Variants in GUCY1A2 observed in about 807,000 individuals in gnomAD.
The protein encoded by GUCY1A2 is guanylate cyclase soluble subunit alpha-2.
A neutral mutation model predicts 63.5 loss-of-function variants in GUCY1A2; 27 were observed. The ratio of observed to expected loss-of-function variants is 0.43; its 90% CI spans 0.31 to 0.59. The LOEUF (loss-of-function observed/expected upper bound fraction) is 0.59, where lower values mean the gene tolerates loss of function less well. Ranked by LOEUF, GUCY1A2 falls within the 20% of genes least tolerant of loss-of-function variation. The pLI is 0.11. For missense variants in GUCY1A2, 768 were observed against 913.3 expected (o/e 0.84, Z 2.05); for synonymous variants, 364 against 343.5 (o/e 1.06, Z -0.66).
intron 4 of GUCY1A2, among the ~76,000 whole-genome samples, chr11:106,927,381 A>C (rs1042075713): frequency 2.0e-5 from 3 of 151,968 alleles, no homozygotes; most frequent in Admixed American, 2.0e-4. Context: ...TCAAAAAAAA[A>C]ATCAAGATTA....
At chr11:106,877,132 T>C (rs1859761039) in intron 4 of GUCY1A2, among the ~76,000 whole-genome samples, 1 of 152,084 alleles carries the variant, frequency 6.6e-6, no homozygotes, top group African/African-American at 2.4e-5. Context: ...GCTTGACTAC[T>C]GTTGTACAGA....
chr11:106,728,802 T>C (rs1445605991), intron 6 of GUCY1A2, among the ~76,000 whole-genome samples: 1 of 152,168 alleles, frequency 6.6e-6, no homozygotes, highest in South Asian at 2.1e-4. Flanking sequence ...GGACTATCTC[T>C]ATTTATCTTT....
At chr11:106,901,099 C>T (rs948923115) in intron 4 of GUCY1A2, among the ~76,000 whole-genome samples, 3 of 152,194 alleles carry the variant, frequency 2.0e-5, no homozygotes, top group Non-Finnish European at 4.4e-5. Flanking sequence ...TCCTCTCAAA[C>T]CCTGCTGCTG....
Position 106,681,909 on chromosome 11 carries a change from T to C in GUCY1A2, c.*5640A>G, listed in dbSNP as rs962996028. 1 of 213,362 alleles carries C rather than the reference T, an allele frequency of 4.7e-6. No individual in the cohort carries two copies. Among genetic ancestry groups the C allele is most frequent in the Non-Finnish European group, 9.5e-6 (1 of 105,702 alleles). 13.2% of individuals were successfully genotyped at this position (213,362 alleles called of 1,614,324 possible). Reference sequence around the variant, plus strand: ...AGTGAGACTAAGTATTAAGTTGATGTCTTTTCATGACATAAAAATCAAAGC... The same window carrying C: ...AGTGAGACTAAGTATTAAGTTGATGCCTTTTCATGACATAAAAATCAAAGC... On this transcript the variant is annotated 3_prime_UTR_variant, in exon 8 of 8. Transcript: ENST00000526355.
intron 1 of GUCY1A2, among the ~76,000 whole-genome samples, chr11:107,002,837 T>C (rs988641900): frequency 2.6e-5 from 4 of 152,106 alleles, no homozygotes; most frequent in African/African-American, 7.2e-5. Context: ...TAAGTTAAAA[T>C]GACAAAATCT....
At chr11:106,829,614 G>C (rs970815324) in intron 4 of GUCY1A2, among the ~76,000 whole-genome samples, 1 of 152,186 alleles carries the variant, frequency 6.6e-6, no homozygotes, top group African/African-American at 2.4e-5. Flanking sequence ...TAAGCTGGAA[G>C]TTAAGATTGC....
At chr11:106,823,464 A>T (rs1858928773) in intron 4 of GUCY1A2, among the ~76,000 whole-genome samples, 1 of 152,182 alleles carries the variant, frequency 6.6e-6, no homozygotes, top group African/African-American at 2.4e-5. Context: ...CTTGGCATGC[A>T]TATACCACAT....
chr11:106,969,650 T>A (rs990391109), intron 3 of GUCY1A2, among the ~76,000 whole-genome samples: 3 of 152,304 alleles, frequency 2.0e-5, no homozygotes, highest in Middle Eastern at 3.4e-3. Context: ...AAATAAGCTA[T>A]GAGTTTGACA....
chr11:106,815,527 G>T (rs1164721697), intron 4 of GUCY1A2, among the ~76,000 whole-genome samples: 1 of 149,804 alleles, frequency 6.7e-6, no homozygotes, highest in African/African-American at 2.5e-5. Context: ...TAATAAAAAA[G>T]AATGGCTAAA....
chr11:106,936,074 T>A (rs553239691), intron 4 of GUCY1A2, among the ~76,000 whole-genome samples: 17 of 152,276 alleles, frequency 1.1e-4, no homozygotes, highest in African/African-American at 4.1e-4. Context: ...TCACCACACA[T>A]CATGACCTTA....
intron 1 of GUCY1A2, among the ~76,000 whole-genome samples, chr11:106,990,857 C>T (rs1861461959): frequency 1.3e-5 from 2 of 152,300 alleles, no homozygotes; most frequent in Admixed American, 6.5e-5. Flanking sequence ...AGCACTTCAT[C>T]ATGCCAAAAA....
intron 6 of GUCY1A2, among the ~76,000 whole-genome samples, chr11:106,765,069 T>C (rs907270289): frequency 6.6e-6 from 1 of 151,830 alleles, no homozygotes; most frequent in Admixed American, 6.6e-5. Flanking sequence ...TCTATAATCT[T>C]GTACATATTT....
At chr11:106,793,234 C>T (rs115438964) in intron 5 of GUCY1A2, among the ~76,000 whole-genome samples, 1,677 of 152,112 alleles carry the variant, frequency 0.011, 30 homozygotes, top group African/African-American at 0.038. Flanking sequence ...TTTACAAGGG[C>T]ACCAAGAAAA....
intron 3 of GUCY1A2, among the ~76,000 whole-genome samples, chr11:106,966,567 A>T (rs1384198727): frequency 6.6e-6 from 1 of 152,206 alleles, no homozygotes. Context: ...TTCAATAAAT[A>T]TTTGTATTGA....
rs75768158 is a variant in GUCY1A2, at chr11:106,739,789, A to G, written c.1837-31123T>C. On this transcript the variant is annotated intron_variant, in intron 6 of 7. Transcript: ENST00000526355. ...TTATGGTGAACCATAAGATATCCCA[A>G]TTCTCAGGAGACATACTATTGGGAA... is the stretch of plus-strand genomic sequence containing the variant. Among the ~76,000 whole-genome samples the G allele has an allele frequency of 3.0e-3, 460 of 152,218 alleles. 5 individuals carry two copies. The highest frequency in any genetic ancestry group is 0.011 in the African/African-American group (440 of 41,544).
intron 4 of GUCY1A2, among the ~76,000 whole-genome samples, chr11:106,917,154 T>C (rs2119886964): frequency 6.9e-6 from 1 of 145,868 alleles, no homozygotes; most frequent in Admixed American, 6.8e-5. Flanking sequence ...CTATTTCACA[T>C]AGAGCAAGAG....
At chr11:106,965,742 A>G (rs888474701) in intron 3 of GUCY1A2, among the ~76,000 whole-genome samples, 3 of 152,160 alleles carry the variant, frequency 2.0e-5, no homozygotes, top group African/African-American at 7.2e-5. Context: ...GGAGGTATTC[A>G]AAACACACTG....
chr11:106,864,686 T>A (rs1859566001), intron 4 of GUCY1A2, among the ~76,000 whole-genome samples: 1 of 152,202 alleles, frequency 6.6e-6, no homozygotes. Context: ...GTGGTTTTTG[T>A]CAATGGTTCT....
chr11:106,689,719 G>A (rs749189692), intron 7 of GUCY1A2, among the ~76,000 whole-genome samples: 4 of 152,208 alleles, frequency 2.6e-5, no homozygotes, highest in Non-Finnish European at 5.9e-5. Flanking sequence ...GGCCGGGCAC[G>A]GTGGCTCACG....
Sources: allele counts gnomAD v4.1 joint callset (sites outside exome capture counted in the v4.1 genomes callset), GRCh38; gene constraint gnomAD v4.1.1; transcripts MANE v1.5; gene names NCBI Gene and HGNC (gene_info 2026-07-23, HGNC 2026-07-21).